Variants in KIF26B observed in about 807,000 individuals in gnomAD.
KIF26B encodes the protein kinesin-like protein KIF26B.
A neutral mutation model predicts 151.2 loss-of-function variants in KIF26B; 63 were observed. That is an observed-to-expected ratio of 0.42 (90% confidence interval 0.34 to 0.51). The LOEUF (loss-of-function observed/expected upper bound fraction) is 0.51, where lower values mean the gene tolerates loss of function less well. Among genes scored for constraint, KIF26B ranks in the 20% least tolerant of loss-of-function variants. The pLI, the probability that KIF26B is intolerant of heterozygous loss-of-function variation, is 0.07. For synonymous variants in KIF26B, 1,357 were observed against 1,262.1 expected, an observed-to-expected ratio of 1.08 and a Z score of -1.59; for missense variants, 2,813 against 2,913.6, an observed-to-expected ratio of 0.97 and a Z score of 0.79.
chr1:245,312,696 T>C (rs924964678), intron 2 of KIF26B, among the ~76,000 whole-genome samples: 4 of 152,180 alleles, frequency 2.6e-5, no homozygotes, highest in African/African-American at 9.7e-5. Flanking sequence ...TTACGTGACA[T>C]GCCCAAGTTC....
chr1:245,190,627 ATGTTTTGTTT>A (rs747147159), intron 2 of KIF26B, among the ~76,000 whole-genome samples: 1 of 99,610 alleles, frequency 1.0e-5, no homozygotes, highest in African/African-American at 5.2e-5. Flanking sequence ...TTTTCCCTGA[ATGTTTTGTTT>A]TGTTTTTTTT....
intron 4 of KIF26B, among the ~76,000 whole-genome samples, chr1:245,508,380 A>G (rs1660766865): frequency 1.3e-5 from 2 of 152,250 alleles, no homozygotes; most frequent in South Asian, 4.1e-4. Flanking sequence ...AGCTGTGACT[A>G]CTGGCGCCCG....
intron 4 of KIF26B, among the ~76,000 whole-genome samples, chr1:245,457,352 T>C (rs1659557522): frequency 6.6e-6 from 1 of 152,150 alleles, no homozygotes; most frequent in South Asian, 2.1e-4. Context: ...CATCCACATA[T>C]ATGACCTAAT....
chr1:245,490,066 T>C lies in KIF26B; in HGVS notation c.1167-50701T>C, dbSNP rs545344332. 6.8e-4 allele frequency among the ~76,000 whole-genome samples: 103 copies of C among 152,264 alleles called. 2 individuals carry two copies. The highest frequency in any genetic ancestry group is 4.4e-3 in the South Asian group (21 of 4,818). ...ATACTTGTAACCACTGCACTGCTGT[T>C]TGTAGATTTGTTCGACTCCTCAGAG... On this transcript the variant is annotated intron_variant, in intron 4 of 14. Transcript: ENST00000407071.
chr1:245,161,729 A>G (rs1293473848), intron 2 of KIF26B, among the ~76,000 whole-genome samples: 1 of 152,202 alleles, frequency 6.6e-6, no homozygotes, highest in African/African-American at 2.4e-5. Context: ...GGTTAAGATC[A>G]TAGAAGGAAG....
rs191612072 is a variant in KIF26B, at chr1:245,211,810, G to A, written c.465+55127G>A. On this transcript the variant is annotated intron_variant, in intron 2 of 14. Transcript: ENST00000407071. ...AGAACTTTCTAGCAGGAACCATTTA[G>A]TTCTGTCTTGGGAGCACTTGTTTCC... Among the ~76,000 whole-genome samples, 16 of 152,328 alleles carry A rather than the reference G, an allele frequency of 1.1e-4. No individual in the cohort carries two copies. The East Asian group carries it at 3.1e-3, about 29-fold the overall frequency.
chr1:245,519,629 A>G (rs1171109058), intron 4 of KIF26B, among the ~76,000 whole-genome samples: 2 of 152,102 alleles, frequency 1.3e-5, no homozygotes, highest in African/African-American at 4.8e-5. Context: ...TGAGAAATGA[A>G]TCATTAGGTG....
At chr1:245,500,659 G>A (rs1430101826) in intron 4 of KIF26B, among the ~76,000 whole-genome samples, 2 of 152,362 alleles carry the variant, frequency 1.3e-5, no homozygotes, top group East Asian at 3.9e-4. Context: ...TCCAAGGCCA[G>A]GCAGCTTATG....
chr1:245,252,882 A>T (rs1030711083), intron 2 of KIF26B, among the ~76,000 whole-genome samples: 4 of 152,132 alleles, frequency 2.6e-5, no homozygotes, highest in Admixed American at 6.5e-5. Context: ...TGATATGGGT[A>T]CACATGCTTT....
In KIF26B at chr1:245,562,859, C is replaced by T. The variant is rs376645700; in HGVS notation, c.1350+21909C>T. Among the ~76,000 whole-genome samples, 184 of 151,944 alleles carry T rather than the reference C, an allele frequency of 1.2e-3. 2 individuals carry two copies. The South Asian group carries it at 0.03, about 25-fold the overall frequency. ...CCGAGTAGCTGGGACTATAGGCATG[C>T]GTCACCATGCCTGACTAATTGTGTT... On this transcript the variant is annotated intron_variant, in intron 5 of 14. Coordinates refer to ENST00000407071, the MANE Select transcript of KIF26B (RefSeq NM_018012.4).
chr1:245,350,786 T>C (rs1275631672), intron 2 of KIF26B, among the ~76,000 whole-genome samples: 3 of 152,142 alleles, frequency 2.0e-5, no homozygotes, highest in Non-Finnish European at 4.4e-5. Flanking sequence ...ATCTCTTCTC[T>C]TTGGTCTGCT....
intron 5 of KIF26B, among the ~76,000 whole-genome samples, chr1:245,568,612 C>A (rs1367925497): frequency 1.3e-5 from 2 of 152,192 alleles, no homozygotes; most frequent in African/African-American, 4.8e-5. Flanking sequence ...AGGGAGCTAG[C>A]GGTTTATTGC....
At chr1:245,351,133 C>T (rs1279154734) in intron 2 of KIF26B, among the ~76,000 whole-genome samples, 1 of 152,208 alleles carries the variant, frequency 6.6e-6, no homozygotes, top group Non-Finnish European at 1.5e-5. Flanking sequence ...TTGGGATAAA[C>T]TTAGCTGAGC....
chr1:245,442,741 C>T (rs549794933), intron 4 of KIF26B, among the ~76,000 whole-genome samples: 1 of 145,792 alleles, frequency 6.9e-6, no homozygotes, highest in South Asian at 2.2e-4. Context: ...GCTGTCATCT[C>T]CCTCACTGTT....
At chr1:245,431,406 G>A (rs1042810712) in intron 4 of KIF26B, among the ~76,000 whole-genome samples, 4 of 150,330 alleles carry the variant, frequency 2.7e-5, no homozygotes, top group East Asian at 3.9e-4. Context: ...GTGCAGTGGT[G>A]CGATCTCGGC....
intron 4 of KIF26B, among the ~76,000 whole-genome samples, chr1:245,468,121 A>G (rs1659835586): frequency 6.6e-6 from 1 of 152,128 alleles, no homozygotes; most frequent in East Asian, 1.9e-4. Context: ...ATTTCTTTCT[A>G]ATGATTTGGA....
chr1:245,659,481 T>G (rs2044110358), intron 10 of KIF26B, among the ~76,000 whole-genome samples: 1 of 152,222 alleles, frequency 6.6e-6, no homozygotes, highest in African/African-American at 2.4e-5. Context: ...TATTGTCACC[T>G]GTTTAGGATG....
chr1:245,296,756 A>G (rs1448594792), intron 2 of KIF26B, among the ~76,000 whole-genome samples: 1 of 152,154 alleles, frequency 6.6e-6, no homozygotes, highest in East Asian at 1.9e-4. Context: ...CTGCTGATTC[A>G]TGCCCGCCAT....
At chr1:245,650,686 C>T (rs1167320589) in intron 10 of KIF26B, among the ~76,000 whole-genome samples, 1 of 152,218 alleles carries the variant, frequency 6.6e-6, no homozygotes, top group African/African-American at 2.4e-5. Context: ...TTTAATGGGT[C>T]ATATGACCTG....
Sources: gnomAD v4.1 joint callset for allele counts (sites outside exome capture counted in the v4.1 genomes callset) on GRCh38, gnomAD v4.1.1 for gene constraint, MANE v1.5 for transcripts, NCBI Gene and HGNC (gene_info 2026-07-23, HGNC 2026-07-21) for gene names.